TMEM131: variants seen among roughly 807,000 people sequenced by gnomAD.
TMEM131 encodes transmembrane protein 131.
A neutral mutation model predicts 211.6 loss-of-function variants in TMEM131; 66 were observed. That is an observed-to-expected ratio of 0.31 (90% CI 0.26 to 0.38). TMEM131 has a LOEUF of 0.38. Ranked by LOEUF, TMEM131 falls within the 10% of genes least tolerant of loss-of-function variation. TMEM131 has a pLI of 1.00. For missense variants in TMEM131, 2,036 were observed against 2,299.3 expected, an observed-to-expected ratio of 0.89 and a Z score of 2.34; for synonymous variants, 844 against 841.3, an observed-to-expected ratio of 1.00 and a Z score of -0.06.
At chr2:97,859,245 A>ATTAG (rs1325672114) in intron 5 of TMEM131, 59 bp downstream of exon 5, 1 of 1,514,926 alleles carries the variant, frequency 6.6e-7, no homozygotes, top group Non-Finnish European at 8.8e-7. Context: ...TTAATCAATA[A>ATTAG]AAATCTAGAC....
rs1559368991 is a variant in TMEM131 at position 97,802,748 on chromosome 2, AT to A, written c.2444del (p.Asn815IlefsTer2). On this transcript the variant is annotated frameshift_variant, in exon 23 of 41. Coordinates refer to ENST00000186436, the MANE Select transcript of TMEM131 (RefSeq NM_015348.2). LOFTEE classifies it high-confidence loss of function. The part of the protein sequence containing the change: ...IFEVNTDLQK[N>X]IISKITAELS... ...GCTCAGCAGTGATTTTTGATATTAT[AT>A]TTTTTTGAAGGTCTGTATTTACTTC... 4 of 1,574,778 alleles carry A rather than the reference AT, an allele frequency of 2.5e-6. No homozygotes were observed. Among genetic ancestry groups the A allele is most frequent in the Non-Finnish European group, 3.4e-6 (4 of 1,166,354 alleles).
rs766555457 is a variant in TMEM131 at position 97,818,566 on chromosome 2, T to C, written c.1183+47A>G. On this transcript the variant is annotated intron_variant, in intron 12 of 40. Coordinates refer to ENST00000186436, the MANE Select transcript of TMEM131 (RefSeq NM_015348.2). ...ACGTTAATACAGATGCTTTCTAGTT[T>C]ATCAAAATAACATCACTCTATCAGA... 49 of 1,279,586 alleles carry C rather than the reference T, an allele frequency of 3.8e-5. No homozygotes were observed. In the Admixed American group the frequency reaches 9.4e-4, roughly 24 times the overall value. 79.3% of individuals were successfully genotyped at this position (1,279,586 alleles called of 1,614,324 possible).
Position 97,772,293 on chromosome 2 carries a change from T to C in TMEM131, c.4448+4A>G. ...TTATTTCTCTGTACACTTATTTCTC[T>C]CACCTGGGTTTCACATCTGTTGGGA... On this transcript the variant is annotated splice_donor_region_variant and intron_variant, in intron 33 of 40. Transcript: ENST00000186436. 1 of 1,597,476 alleles carries C rather than the reference T, an allele frequency of 6.3e-7. No individual in the cohort carries two copies. Among genetic ancestry groups the C allele is most frequent in the Non-Finnish European group, 8.5e-7 (1 of 1,176,208 alleles).
intron 4 of TMEM131, 120 bp downstream of exon 4, chr2:97,887,932 G>A: frequency 1.4e-6 from 1 of 721,890 alleles, no homozygotes; most frequent in Non-Finnish European, 2.3e-6. Flanking sequence ...TTGTTTTCCT[G>A]ATGACTAGAA....
intron 15 of TMEM131, among the ~76,000 whole-genome samples, chr2:97,813,501 T>C (rs1331866734): frequency 6.6e-6 from 1 of 152,200 alleles, no homozygotes; most frequent in East Asian, 1.9e-4. Context: ...ATTGTTTCCT[T>C]CTGTGTCATA....
At chr2:97,942,003 C>T (rs1190986209) in intron 1 of TMEM131, among the ~76,000 whole-genome samples, 1 of 152,124 alleles carries the variant, frequency 6.6e-6, no homozygotes, top group Admixed American at 6.5e-5. Flanking sequence ...ATAAATCATG[C>T]TGCTATAAAG....
At chr2:97,896,867 C>T (rs1298790243) in intron 3 of TMEM131, among the ~76,000 whole-genome samples, 6 of 151,462 alleles carry the variant, frequency 4.0e-5, no homozygotes, top group Non-Finnish European at 8.8e-5. Flanking sequence ...TTATCAATTT[C>T]TAAAAAAAAA....
chr2:97,990,147 C>T (rs2309313), intron 1 of TMEM131, among the ~76,000 whole-genome samples: 5 of 152,140 alleles, frequency 3.3e-5, no homozygotes, highest in Admixed American at 6.5e-5. Context: ...AACCAGGTAT[C>T]TAAGTCATCA....
intron 4 of TMEM131, among the ~76,000 whole-genome samples, chr2:97,881,139 C>T (rs769579996): frequency 2.6e-5 from 4 of 152,150 alleles, no homozygotes; most frequent in Admixed American, 6.6e-5. Context: ...ATCAGTCCTC[C>T]GGCTAGAACC....
intron 19 of TMEM131, 34 bp from the exon 20 acceptor site, chr2:97,805,737 T>C (rs781336779): frequency 6.5e-7 from 1 of 1,542,872 alleles, no homozygotes; most frequent in Non-Finnish European, 8.7e-7. Context: ...AACTCATTTG[T>C]ATATGGTTAA....
At chr2:97,866,311 G>A (rs1304356235) in intron 4 of TMEM131, among the ~76,000 whole-genome samples, 2 of 152,218 alleles carry the variant, frequency 1.3e-5, no homozygotes, top group African/African-American at 4.8e-5. Flanking sequence ...TTTCAACTAA[G>A]TTAATGAATT....
At chr2:97,950,184 C>T (rs1458624633) in intron 1 of TMEM131, among the ~76,000 whole-genome samples, 4 of 152,258 alleles carry the variant, frequency 2.6e-5, no homozygotes, top group African/African-American at 7.2e-5. Context: ...TTAACCACTT[C>T]ATTAAAGCAG....
At chr2:97,866,524 TTTTA>T (rs1203555275) in intron 4 of TMEM131, among the ~76,000 whole-genome samples, 2 of 152,226 alleles carry the variant, frequency 1.3e-5, no homozygotes, top group Non-Finnish European at 2.9e-5. Flanking sequence ...CTATTCTGTA[TTTTA>T]TTTATTTCCT....
chr2:97,885,570 AC>A (rs1460447321), intron 4 of TMEM131, among the ~76,000 whole-genome samples: 1 of 151,668 alleles, frequency 6.6e-6, no homozygotes, highest in Non-Finnish European at 1.5e-5. Context: ...CAGGTCCCCC[AC>A]CCCCACTTTG....
intron 28 of TMEM131, among the ~76,000 whole-genome samples, chr2:97,795,641 T>C (rs1014039494): frequency 2.0e-5 from 3 of 152,252 alleles, no homozygotes; most frequent in Admixed American, 6.5e-5. Flanking sequence ...TGCAATAATG[T>C]AGCTACTTAT....
At chr2:97,904,774 G>C (rs998480364) in intron 3 of TMEM131, among the ~76,000 whole-genome samples, 1 of 147,762 alleles carries the variant, frequency 6.8e-6, no homozygotes, top group Non-Finnish European at 1.5e-5. Context: ...TTCTATCTTC[G>C]TGACTAGTTT....
chr2:97,938,143 ACAT>A (rs1036045412), intron 1 of TMEM131, among the ~76,000 whole-genome samples: 2 of 152,222 alleles, frequency 1.3e-5, no homozygotes, highest in African/African-American at 4.8e-5. Flanking sequence ...TAACCAGCTA[ACAT>A]CATAATGACA....
chr2:97,814,631 CAA>C (rs1681729779), intron 13 of TMEM131, among the ~76,000 whole-genome samples: 1 of 152,012 alleles, frequency 6.6e-6, no homozygotes, highest in Non-Finnish European at 1.5e-5. Flanking sequence ...CAATTAGAAT[CAA>C]AGACATATCA....
chr2:97,862,971 A>G (rs1003971999), intron 4 of TMEM131, among the ~76,000 whole-genome samples: 6 of 152,162 alleles, frequency 3.9e-5, no homozygotes, highest in African/African-American at 1.4e-4. Flanking sequence ...TAAAGAAAGG[A>G]TCCTAAAATT....
Sources: gnomAD v4.1 joint callset for allele counts (sites outside exome capture counted in the v4.1 genomes callset) on GRCh38, gnomAD v4.1.1 for gene constraint, MANE v1.5 for transcripts, NCBI Gene and HGNC (gene_info 2026-07-23, HGNC 2026-07-21) for gene names.